Variants in ITGAV observed in about 807,000 individuals in gnomAD.
The protein encoded by ITGAV is integrin subunit alpha V, also known as integrin alpha-V.
A neutral mutation model predicts 143.8 loss-of-function variants in ITGAV; 76 were observed. The ratio of observed to expected loss-of-function variants is 0.53; its 90% CI spans 0.44 to 0.64. The LOEUF (loss-of-function observed/expected upper bound fraction) is 0.64, where lower values mean the gene tolerates loss of function less well. ITGAV is among the 30% of genes least tolerant of loss of function. The probability of loss-of-function intolerance (pLI) is 0.00; values close to 1 mark genes in which losing one functional copy is unlikely to be tolerated. For missense variants in ITGAV, 1,193 were observed against 1,274.7 expected, an observed-to-expected ratio of 0.94 and a Z score of 0.98; for synonymous variants, 453 against 446.7, an observed-to-expected ratio of 1.01 and a Z score of -0.18.
chr2:186,635,144 T>C (rs1013007037), intron 6 of ITGAV, among the ~76,000 whole-genome samples: 1 of 152,196 alleles, frequency 6.6e-6, no homozygotes, highest in African/African-American at 2.4e-5. Context: ...AATATATAGC[T>C]AGCAGACTCA....
At chr2:186,626,933 A>G (rs140736595) in intron 4 of ITGAV, among the ~76,000 whole-genome samples, 441 of 152,322 alleles carry the variant, frequency 2.9e-3, no homozygotes, top group African/African-American at 0.01. Context: ...TTTAATTTCT[A>G]TATTGCAAAA....
At chr2:186,630,657 A>G (rs1574477974) in intron 4 of ITGAV, 140 bp from the exon 5 acceptor site, 1 of 578,898 alleles carries the variant, frequency 1.7e-6, no homozygotes, top group East Asian at 2.6e-5. Flanking sequence ...GAATGTGGTA[A>G]TAACTAAGTG....
At chr2:186,664,444 C>T in intron 19 of ITGAV, 50 bp from the exon 20 acceptor site, 1 of 1,556,664 alleles carries the variant, frequency 6.4e-7, no homozygotes, top group Non-Finnish European at 8.8e-7. Context: ...GTCATACTTT[C>T]CCCATGTAGT....
At chr2:186,646,589 C>T (rs1688266333) in intron 12 of ITGAV, 97 bp from the exon 13 acceptor site, 1 of 781,464 alleles carries the variant, frequency 1.3e-6, no homozygotes, top group Non-Finnish European at 2.0e-6. Context: ...TCCTTGCCCT[C>T]TTCCCCCCTT....
intron 2 of ITGAV, among the ~76,000 whole-genome samples, chr2:186,617,108 A>G (rs3768781): frequency 0.23 from 35,307 of 151,774 alleles, 5,618 homozygotes; most frequent in East Asian, 0.73. Context: ...ATAGTGATAA[A>G]TAGGAACCAA....
chr2:186,632,739 TCA>T (rs1364492340), intron 5 of ITGAV, among the ~76,000 whole-genome samples: 1 of 152,088 alleles, frequency 6.6e-6, no homozygotes, highest in Non-Finnish European at 1.5e-5. Flanking sequence ...TGCTGTATAG[TCA>T]CAAATTTAAT....
intron 1 of ITGAV, 96 bp downstream of exon 1, chr2:186,590,619 G>A: frequency 3.4e-6 from 4 of 1,161,902 alleles, no homozygotes; most frequent in Non-Finnish European, 4.8e-6. Context: ...GAGAGATCCC[G>A]GCGTCTGTCT....
chr2:186,669,670 T>G, intron 25 of ITGAV, 31 bp from the exon 26 acceptor site: 1 of 1,426,424 alleles, frequency 7.0e-7, no homozygotes. Flanking sequence ...CATTATCATT[T>G]ACCACCATTT....
At chr2:186,597,191 A>G (rs1018333284) in intron 1 of ITGAV, among the ~76,000 whole-genome samples, 1 of 152,214 alleles carries the variant, frequency 6.6e-6, no homozygotes, top group Non-Finnish European at 1.5e-5. Flanking sequence ...GTTTTCATTC[A>G]GAGAATGCTC....
intron 26 of ITGAV, among the ~76,000 whole-genome samples, chr2:186,672,969 C>T (rs1689106807): frequency 6.6e-6 from 1 of 152,144 alleles, no homozygotes; most frequent in Non-Finnish European, 1.5e-5. Context: ...ATTTTGTCAT[C>T]ATATTTTTAA....
At chr2:186,590,713 C>T (rs1260624668) in intron 1 of ITGAV, among the ~76,000 whole-genome samples, 190 bp downstream of exon 1, 1 of 152,224 alleles carries the variant, frequency 6.6e-6, no homozygotes, top group Non-Finnish European at 1.5e-5. Context: ...TGGTACCCAT[C>T]ACCCAGTTAC....
At position 186,668,781 on chromosome 2, in the gene ITGAV, G is replaced by A. The variant is rs1331334038; in HGVS notation, c.2453G>A (p.Ser818Asn). The A allele has an allele frequency of 6.2e-7, 1 of 1,613,286 alleles. No individual in the cohort carries two copies. The highest frequency in any genetic ancestry group is 2.2e-5 in the East Asian group (1 of 44,842). The change falls in exon 25 of 30, where the codon AGT becomes AAT. Residue 818 changes from serine (S) to asparagine (N), a missense_variant. Ser to Asn is a conservative substitution (Grantham distance 46, BLOSUM62 1). Coordinates refer to ENST00000261023, the MANE Select transcript of ITGAV (RefSeq NM_002210.5). ...CCTTAGCTGAGAAACAATGGTCCAA[G>A]TTCATTCAGCAAGGCAATGCTCCAT... The part of the protein sequence containing the change: ...HIYELRNNGP[S>N]SFSKAMLHLQ...
At chr2:186,634,386 T>C (rs1687898871) in intron 6 of ITGAV, among the ~76,000 whole-genome samples, 1 of 152,206 alleles carries the variant, frequency 6.6e-6, no homozygotes, top group Non-Finnish European at 1.5e-5. Context: ...AGAAAACCTT[T>C]GACTGGATTG....
chr2:186,624,952 G>GA (rs11395048), intron 3 of ITGAV, among the ~76,000 whole-genome samples: 146,736 of 150,904 alleles, frequency 0.97, 71,416 homozygotes, highest in South Asian at 1. Flanking sequence ...TAACTATTTT[G>GA]AAAAAAAAAA....
chr2:186,597,910 G>A (rs1274155874), intron 1 of ITGAV, among the ~76,000 whole-genome samples: 2 of 152,164 alleles, frequency 1.3e-5, no homozygotes, highest in African/African-American at 4.8e-5. Context: ...CTATGTCCAG[G>A]GAAGGAAAGG....
intron 16 of ITGAV, among the ~76,000 whole-genome samples, chr2:186,655,377 T>C (rs1166342425): frequency 1.3e-5 from 2 of 152,148 alleles, no homozygotes; most frequent in Non-Finnish European, 2.9e-5. Context: ...GAGAAAACTT[T>C]TCAGTAGAGA....
chr2:186,640,983 A>G lies in ITGAV; in HGVS notation c.956+16A>G. 6 of 1,576,372 alleles carry G rather than the reference A, an allele frequency of 3.8e-6. No individual in the cohort carries two copies. The highest frequency in any genetic ancestry group is 5.2e-6 in the Non-Finnish European group (6 of 1,154,894). ...ATGGAGATGAGTAAGTTTAAAAAAA[A>G]ATGTTTCCAGAAAGTTATCTTCTCA... is the stretch of plus-strand genomic sequence containing the variant. On this transcript the variant is annotated intron_variant, in intron 11 of 29. Transcript: ENST00000261023.
At chr2:186,623,395 C>G (rs1196525172) in intron 3 of ITGAV, among the ~76,000 whole-genome samples, 2 of 151,748 alleles carry the variant, frequency 1.3e-5, no homozygotes, top group African/African-American at 4.8e-5. Flanking sequence ...TTTCTGTGAA[C>G]TGTATTTTCC....
chr2:186,673,696 T>C (rs1012467729), intron 26 of ITGAV, among the ~76,000 whole-genome samples: 1 of 152,120 alleles, frequency 6.6e-6, no homozygotes, highest in African/African-American at 2.4e-5. Context: ...GAAGGAGTTT[T>C]TGCTCTTGTT....
Sources: allele counts gnomAD v4.1 joint callset (sites outside exome capture counted in the v4.1 genomes callset), GRCh38; gene constraint gnomAD v4.1.1; transcripts MANE v1.5; gene names NCBI Gene and HGNC (gene_info 2026-07-23, HGNC 2026-07-21).